NBN: variants seen among roughly 807,000 people sequenced by gnomAD.
NBN encodes nibrin, also known as Nijmegen breakage syndrome 1 (nibrin).
NBN carries 88 observed loss-of-function variants against 90.8 expected under a neutral mutation model. The ratio of observed to expected loss-of-function variants is 0.97; its 90% CI spans 0.82 to 1.16. The LOEUF is 1.16. Among genes scored for constraint, NBN ranks in the 50% most tolerant of loss-of-function variants. NBN has a pLI of 0.00. For missense variants in NBN, 894 were observed against 869.6 expected, an observed-to-expected ratio of 1.03 and a Z score of -0.35; for synonymous variants, 328 against 295.1, an observed-to-expected ratio of 1.11 and a Z score of -1.14.
chr8:89,951,311 CAA>C (rs71268296), intron 11 of NBN, among the ~76,000 whole-genome samples: 10 of 68,272 alleles, frequency 1.5e-4, no homozygotes, highest in East Asian at 9.2e-4. Context: ...GACTCTGTCT[CAA>C]AAAAAAAAAA....
At chr8:89,978,345 AATAT>A in intron 4 of NBN, 22 bp from the exon 5 acceptor site, 4 of 1,571,718 alleles carry the variant, frequency 2.5e-6, no homozygotes, top group Non-Finnish European at 3.5e-6. Context: ...AAAACATGTG[AATAT>A]ATATATTCAC....
chr8:89,947,125 G>A (rs1238160518), intron 12 of NBN, among the ~76,000 whole-genome samples: 2 of 152,128 alleles, frequency 1.3e-5, no homozygotes, highest in African/African-American at 2.4e-5. Context: ...ATTAAGAACA[G>A]CCTAAACTTT....
chr8:89,973,209 T>C (rs1433663499), intron 5 of NBN, among the ~76,000 whole-genome samples: 1 of 152,360 alleles, frequency 6.6e-6, no homozygotes, highest in South Asian at 2.1e-4. Flanking sequence ...TGCTTCACTG[T>C]AGGCATTCAA....
At chr8:89,943,881 A>T (rs928491824) in intron 13 of NBN, among the ~76,000 whole-genome samples, 3 of 151,946 alleles carry the variant, frequency 2.0e-5, no homozygotes, top group African/African-American at 7.3e-5. Context: ...TGCTTTAAGA[A>T]AAGAAAATTC....
intron 1 of NBN, chr8:89,984,245 G>A (rs1001929693): frequency 3.1e-5 from 17 of 552,864 alleles, no homozygotes; most frequent in Admixed American, 9.5e-5. Context: ...AACGGCGCGG[G>A]GGTGAGGCTG....
rs1448711585 is a variant in NBN, at chr8:89,953,220, C to A, written c.1845+24G>T. 4 of 1,501,254 alleles carry A rather than the reference C, an allele frequency of 2.7e-6. No individual in the cohort carries two copies. In the Admixed American group the frequency reaches 5.0e-5, roughly 19 times the overall value. The allele number at this position is 1,501,254 out of a possible 1,614,324, so 93.0% of individuals were successfully genotyped here. A position where few individuals can be genotyped will look rare whatever the true frequency, so the allele number is the denominator to read the frequency against. On this transcript the variant is annotated intron_variant, in intron 11 of 15. Transcript: ENST00000265433. Reference sequence around the variant, plus strand: ...GCATTCTAAGCTTCTATGTACTATACCTCTCATTTAAAATGTTACTTACAG... The same window carrying A: ...GCATTCTAAGCTTCTATGTACTATAACTCTCATTTAAAATGTTACTTACAG...
chr8:89,981,394 C>T lies in NBN; in HGVS notation c.301G>A (p.Val101Met), dbSNP rs786202139. The T allele has an allele frequency of 3.1e-6, 5 of 1,613,918 alleles. No individual in the cohort carries two copies. The African/African-American group carries it at 6.7e-5, about 22-fold the overall frequency. The change falls in exon 3 of 16, where the codon GTG becomes ATG. Residue 101 changes from valine (V) to methionine (M), a missense_variant. Physicochemically the swap from Val to Met is conservative, Grantham distance 21. Coordinates refer to ENST00000265433, the MANE Select transcript of NBN (RefSeq NM_002485.5). ...LKSGDGITFGVFGSKFRIEYE... is the reference protein window; with the variant it reads ...LKSGDGITFGMFGSKFRIEYE... ...TCTTACCTGAATTTACTTCCAAACACTCCAAAAGTAATACCATCCCCCGAC... is the reference window on the plus strand; with the variant it reads ...TCTTACCTGAATTTACTTCCAAACATTCCAAAAGTAATACCATCCCCCGAC...
chr8:89,980,382 C>T (rs1812000777), intron 4 of NBN, among the ~76,000 whole-genome samples: 1 of 151,584 alleles, frequency 6.6e-6, no homozygotes, highest in African/African-American at 2.4e-5. Flanking sequence ...ACATGAGATG[C>T]AAACTTTGAA....
intron 11 of NBN, among the ~76,000 whole-genome samples, chr8:89,951,964 T>A (rs973505571): frequency 6.6e-6 from 1 of 152,172 alleles, no homozygotes; most frequent in African/African-American, 2.4e-5. Flanking sequence ...CAAAAGCTAT[T>A]AAGTTGGGTT....
chr8:89,971,087 T>C, intron 6 of NBN, 86 bp downstream of exon 6: 2 of 1,417,364 alleles, frequency 1.4e-6, no homozygotes, highest in South Asian at 1.2e-5. Flanking sequence ...CAAAATGAAA[T>C]ACGTTAACAA....
intron 14 of NBN, among the ~76,000 whole-genome samples, chr8:89,939,195 A>G (rs1243724694): frequency 6.6e-6 from 1 of 152,142 alleles, no homozygotes; most frequent in Non-Finnish European, 1.5e-5. Context: ...GCAGAGGTAG[A>G]GAAAGAAGGG....
intron 7 of NBN, among the ~76,000 whole-genome samples, chr8:89,966,830 G>A (rs1811275826): frequency 6.6e-6 from 1 of 152,182 alleles, no homozygotes; most frequent in South Asian, 2.1e-4. Flanking sequence ...AAGAAAGGCA[G>A]ACTGATGAAT....
chr8:89,982,867 T>A lies in NBN; in HGVS notation c.38-12A>T, dbSNP rs773524364. The A allele has an allele frequency of 6.2e-7, 1 of 1,612,096 alleles. No individual in the cohort carries two copies. Among genetic ancestry groups the A allele is most frequent in the Admixed American group, 1.7e-5 (1 of 60,014 alleles). On this transcript the variant is annotated splice_polypyrimidine_tract_variant and intron_variant, in intron 1 of 15. Coordinates refer to ENST00000265433, the MANE Select transcript of NBN (RefSeq NM_002485.5). ...TCTGTATGGTTCTCCTGAGATAAAT[T>A]TTTTTTTAAAAAAAGATAAGTTGAT...
rs181500955 is a variant in NBN at position 89,976,514 on chromosome 8, G to C, written c.584+1706C>G. 5.0e-3 allele frequency among the ~76,000 whole-genome samples: 758 copies of C among 152,296 alleles called. 10 individuals carry two copies. The highest frequency in any genetic ancestry group is 0.017 in the African/African-American group (693 of 41,540). ...TCATTCGTAGGACTGCTCTCTCCTGGGAGGGGAACCATGTTAATTATCCAC... is the reference window on the plus strand; with the variant it reads ...TCATTCGTAGGACTGCTCTCTCCTGCGAGGGGAACCATGTTAATTATCCAC... On this transcript the variant is annotated intron_variant, in intron 5 of 15. Coordinates refer to ENST00000265433, the MANE Select transcript of NBN (RefSeq NM_002485.5).
rs1403942953 is a variant in NBN at position 89,953,189 on chromosome 8, C to T, written c.1845+55G>A. On this transcript the variant is annotated intron_variant, in intron 11 of 15. Transcript: ENST00000265433. Reference sequence around the variant, plus strand: ...ACTGTCAATACAAAATCGAAAGTACCTGTTAGCATTCTAAGCTTCTATGTA... The same window carrying T: ...ACTGTCAATACAAAATCGAAAGTACTTGTTAGCATTCTAAGCTTCTATGTA... 4 of 1,283,518 alleles carry T rather than the reference C, an allele frequency of 3.1e-6. No individual in the cohort carries two copies. In the Admixed American group the frequency reaches 6.7e-5, roughly 22 times the overall value. The allele number at this position is 1,283,518 out of a possible 1,614,324, so 79.5% of individuals were successfully genotyped here.
chr8:89,952,119 A>C (rs954636113), intron 11 of NBN, among the ~76,000 whole-genome samples: 1 of 152,198 alleles, frequency 6.6e-6, no homozygotes, highest in African/African-American at 2.4e-5. Flanking sequence ...GACACCTAGT[A>C]AATTAATACC....
At chr8:89,949,796 C>CA in intron 11 of NBN, among the ~76,000 whole-genome samples, 1 of 151,952 alleles carries the variant, frequency 6.6e-6, no homozygotes, top group Non-Finnish European at 1.5e-5. Context: ...AAAAAATCGC[C>CA]AAAAAAATGT....
intron 7 of NBN, among the ~76,000 whole-genome samples, chr8:89,965,859 GCTTA>G (rs1277702633): frequency 1.3e-5 from 2 of 152,180 alleles, no homozygotes; most frequent in East Asian, 3.9e-4. Flanking sequence ...TGTGTACTGA[GCTTA>G]CTTAAATAGG....
chr8:89,964,582 A>G, intron 7 of NBN, 75 bp from the exon 8 acceptor site: 2 of 1,421,644 alleles, frequency 1.4e-6, no homozygotes, highest in African/African-American at 1.5e-5. Flanking sequence ...GTCAAGATAA[A>G]GCAACCTCTT....
Sources: allele counts gnomAD v4.1 joint callset (sites outside exome capture counted in the v4.1 genomes callset), GRCh38; gene constraint gnomAD v4.1.1; transcripts MANE v1.5; gene names NCBI Gene and HGNC (gene_info 2026-07-23, HGNC 2026-07-21).